The following ST8SIA6 variants were observed in gnomAD, a reference collection of about 807,000 sequenced individuals.
ST8SIA6 encodes alpha-2,8-sialyltransferase 8F.
A neutral mutation model predicts 33.6 loss-of-function variants in ST8SIA6; 39 were observed. The ratio of observed to expected loss-of-function variants is 1.16; its 90% confidence interval spans 0.90 to 1.52. ST8SIA6 has a LOEUF of 1.52. Among genes scored for constraint, ST8SIA6 ranks in the 40% most tolerant of loss-of-function variants. The pLI is 0.00. For synonymous variants in ST8SIA6, 172 were observed against 167.2 expected (o/e 1.03, Z -0.22); for missense variants, 441 against 443.8 (o/e 0.99, Z 0.06).
chr10:17,397,185 A>C (rs1850836715), intron 2 of ST8SIA6, among the ~76,000 whole-genome samples: 1 of 139,952 alleles, frequency 7.1e-6, no homozygotes, highest in Admixed American at 7.3e-5. Context: ...CTTCAGCTCC[A>C]TCCTCATTTT....
intron 2 of ST8SIA6, among the ~76,000 whole-genome samples, chr10:17,395,525 T>C (rs1267913912): frequency 6.6e-6 from 1 of 152,170 alleles, no homozygotes; most frequent in Non-Finnish European, 1.5e-5. Context: ...GAATTCTGTT[T>C]CTGTGAATTC....
chr10:17,340,351 C>T (rs1337219439), intron 4 of ST8SIA6, among the ~76,000 whole-genome samples: 2 of 152,032 alleles, frequency 1.3e-5, no homozygotes, highest in Non-Finnish European at 2.9e-5. Flanking sequence ...CACCCCTGGT[C>T]ACCTGCTCTG....
chr10:17,355,113 C>T (rs1157967788), intron 4 of ST8SIA6, among the ~76,000 whole-genome samples: 1 of 152,200 alleles, frequency 6.6e-6, no homozygotes, highest in African/African-American at 2.4e-5. Flanking sequence ...GAAGCCCTAT[C>T]TCTTACAAAA....
chr10:17,332,514 G>C (rs947210120), intron 4 of ST8SIA6, among the ~76,000 whole-genome samples: 3 of 152,130 alleles, frequency 2.0e-5, no homozygotes, highest in Admixed American at 2.0e-4. Flanking sequence ...TCCCACACTG[G>C]AGTACAGTAG....
chr10:17,369,576 G>A (rs1410624556), intron 3 of ST8SIA6, among the ~76,000 whole-genome samples: 1 of 152,110 alleles, frequency 6.6e-6, no homozygotes, highest in Admixed American at 6.5e-5. Context: ...AGTCTGGTGG[G>A]TTTATGGTGT....
At chr10:17,380,589 G>GC (rs1182288696) in intron 3 of ST8SIA6, among the ~76,000 whole-genome samples, 1 of 152,142 alleles carries the variant, frequency 6.6e-6, no homozygotes, top group Non-Finnish European at 1.5e-5. Context: ...CTTTTTGCCA[G>GC]CCAGACCAAA....
chr10:17,327,259 A>G, intron 5 of ST8SIA6, 133 bp from the exon 6 acceptor site: 1 of 625,650 alleles, frequency 1.6e-6, no homozygotes, highest in Non-Finnish European at 2.6e-6. Context: ...GCAGCAGCCC[A>G]GTTTGCTAAT....
chr10:17,387,447 C>CG (rs34921425), intron 3 of ST8SIA6, among the ~76,000 whole-genome samples: 600 of 52,418 alleles, frequency 0.011, 3 homozygotes, highest in African/African-American at 0.026. Flanking sequence ...GGCGGTGGGG[C>CG]GGGGGGGGGG....
chr10:17,344,026 C>T (rs980441654), intron 4 of ST8SIA6, among the ~76,000 whole-genome samples: 10 of 152,140 alleles, frequency 6.6e-5, no homozygotes, highest in African/African-American at 1.2e-4. Context: ...TGGGTCAGAG[C>T]GGTGAAGTTA....
chr10:17,360,954 G>GAA (rs1849366582), intron 3 of ST8SIA6, among the ~76,000 whole-genome samples: 2 of 151,318 alleles, frequency 1.3e-5, no homozygotes, highest in South Asian at 2.1e-4. Context: ...AGAAGAAGAA[G>GAA]GAGGAGGAGG....
chr10:17,337,868 C>T (rs1300914716), intron 4 of ST8SIA6, among the ~76,000 whole-genome samples: 1 of 152,134 alleles, frequency 6.6e-6, no homozygotes, highest in African/African-American at 2.4e-5. Flanking sequence ...CCTGCCATTT[C>T]CATGACATCT....
intron 4 of ST8SIA6, among the ~76,000 whole-genome samples, chr10:17,336,515 G>A (rs1168864507): frequency 6.6e-6 from 1 of 151,670 alleles, no homozygotes; most frequent in East Asian, 1.9e-4. Context: ...AAGCCCCAGA[G>A]GACACTTTTG....
At chr10:17,371,813 T>TAAAAAAAAAA (rs1849745422) in intron 3 of ST8SIA6, among the ~76,000 whole-genome samples, 5 of 116,908 alleles carry the variant, frequency 4.3e-5, no homozygotes, top group Non-Finnish European at 3.6e-5. Flanking sequence ...AGAAAGAAAG[T>TAAAAAAAAAA]AAAAAATGAG....
chr10:17,436,105 T>C (rs965777710), intron 2 of ST8SIA6, among the ~76,000 whole-genome samples: 1 of 152,214 alleles, frequency 6.6e-6, no homozygotes, highest in Non-Finnish European at 1.5e-5. Context: ...CTAGTTTTAC[T>C]TACCACTGTC....
At chr10:17,347,946 T>A (rs1165702542) in intron 4 of ST8SIA6, among the ~76,000 whole-genome samples, 1 of 99,568 alleles carries the variant, frequency 1.0e-5, no homozygotes, top group African/African-American at 4.2e-5. Flanking sequence ...ATGGTGAGAC[T>A]CTGTCTCAAA....
intron 2 of ST8SIA6, among the ~76,000 whole-genome samples, chr10:17,438,627 A>T (rs559017960): frequency 1.1e-3 from 173 of 152,122 alleles, no homozygotes; most frequent in Admixed American, 4.4e-3. Flanking sequence ...TTCCCTTCCT[A>T]CACCTCCTCC....
intron 7 of ST8SIA6, among the ~76,000 whole-genome samples, chr10:17,322,669 C>G (rs1030354053): frequency 6.6e-6 from 1 of 152,050 alleles, no homozygotes; most frequent in Admixed American, 6.5e-5. Context: ...AACTTGATAA[C>G]TGTATTTTGC....
intron 3 of ST8SIA6, among the ~76,000 whole-genome samples, chr10:17,373,365 G>A (rs1849794094): frequency 6.6e-6 from 1 of 152,126 alleles, no homozygotes; most frequent in Non-Finnish European, 1.5e-5. Flanking sequence ...TATAGCACAT[G>A]CATTTGACTC....
intron 2 of ST8SIA6, among the ~76,000 whole-genome samples, chr10:17,446,587 A>G (rs1852716036): frequency 6.6e-6 from 1 of 152,194 alleles, no homozygotes; most frequent in African/African-American, 2.4e-5. Flanking sequence ...ATGGAAGACA[A>G]ATTTGAGAAG....
Sources: gnomAD v4.1 joint callset for allele counts (sites outside exome capture counted in the v4.1 genomes callset) on GRCh38, gnomAD v4.1.1 for gene constraint, MANE v1.5 for transcripts, NCBI Gene and HGNC (gene_info 2026-07-23, HGNC 2026-07-21) for gene names.